The following DNAH9 variants were observed in gnomAD, a reference collection of about 807,000 sequenced individuals.
DNAH9 encodes DNAH9 variant protein.
In DNAH9, 345 loss-of-function variants were observed where a neutral mutation model predicts 471.6. The ratio of observed to expected loss-of-function variants is 0.73; its 90% CI spans 0.67 to 0.80. DNAH9 has a LOEUF of 0.80. DNAH9 is among the 30% of genes least tolerant of loss of function. The pLI, the probability that DNAH9 is intolerant of heterozygous loss-of-function variation, is 0.00. For synonymous variants in DNAH9, 2,093 were observed against 2,123.6 expected (o/e 0.99, Z 0.40); for missense variants, 5,407 against 5,609.2 (o/e 0.96, Z 1.15).
At chr17:11,640,626 GA>G (rs1172163793) in intron 10 of DNAH9, among the ~76,000 whole-genome samples, 2 of 152,182 alleles carry the variant, frequency 1.3e-5, no homozygotes, top group Non-Finnish European at 2.9e-5. Flanking sequence ...TGCTCTGGGG[GA>G]TTCATTTCTG....
intron 41 of DNAH9, among the ~76,000 whole-genome samples, chr17:11,784,875 GAAAGAA>G (rs1968806902): frequency 6.7e-6 from 1 of 149,448 alleles, no homozygotes. Flanking sequence ...CCAAAAGAAA[GAAAGAA>G]AACTATTTTG....
At chr17:11,965,343 T>G (rs552328387) in intron 68 of DNAH9, among the ~76,000 whole-genome samples, 1 of 152,366 alleles carries the variant, frequency 6.6e-6, no homozygotes, top group South Asian at 2.1e-4. Flanking sequence ...TTGTGACTTA[T>G]TGGTTCTAGG....
intron 49 of DNAH9, among the ~76,000 whole-genome samples, chr17:11,835,999 C>T (rs900044059): frequency 4.6e-5 from 7 of 152,138 alleles, no homozygotes; most frequent in Admixed American, 1.3e-4. Context: ...CCCAGTCCAC[C>T]GTGCCAGTCA....
At chr17:11,767,109 G>C (rs969067625) in intron 36 of DNAH9, among the ~76,000 whole-genome samples, 1 of 152,198 alleles carries the variant, frequency 6.6e-6, no homozygotes, top group Non-Finnish European at 1.5e-5. Context: ...AGACAATGTC[G>C]GTGTGGCCCA....
intron 19 of DNAH9, among the ~76,000 whole-genome samples, chr17:11,688,005 G>A (rs1426086902): frequency 6.8e-6 from 1 of 147,172 alleles, no homozygotes; most frequent in Non-Finnish European, 1.5e-5. Context: ...TTGGTGGTGT[G>A]TGCCTGTAGT....
intron 61 of DNAH9, among the ~76,000 whole-genome samples, chr17:11,913,638 T>G (rs1047637087): frequency 3.3e-5 from 5 of 151,826 alleles, no homozygotes; most frequent in African/African-American, 4.8e-5. Flanking sequence ...AAAAATTAGC[T>G]GGGCGTGGTG....
chr17:11,762,767 T>TTGTTG (rs1555584635), intron 35 of DNAH9, among the ~76,000 whole-genome samples: 1 of 77,562 alleles, frequency 1.3e-5, no homozygotes, highest in Non-Finnish European at 3.0e-5. Flanking sequence ...CGTTTTTTTT[T>TTGTTG]TTGTTTTTTT....
chr17:11,684,792 C>T (rs1206043485), intron 19 of DNAH9, among the ~76,000 whole-genome samples: 1 of 152,190 alleles, frequency 6.6e-6, no homozygotes, highest in African/African-American at 2.4e-5. Flanking sequence ...AACAGCTTTC[C>T]AAATAGCCCA....
chr17:11,744,950 A>G lies in DNAH9; in HGVS notation c.6265A>G (p.Ile2089Val), dbSNP rs777977585. The G allele has an allele frequency of 6.2e-7, 1 of 1,614,024 alleles. No individual in the cohort carries two copies. The highest frequency in any genetic ancestry group is 2.2e-5 in the East Asian group (1 of 44,882). ...CAAGATTGTGACTGATGACATGCCC[A>G]TCTTCATGGGCCTGATCGGGGACCT... ...IPKIVTDDMP[I>V]FMGLIGDLFP... The change falls in exon 31 of 69, where the codon ATC becomes GTC. Residue 2089 changes from isoleucine to valine, a missense_variant. By Grantham distance (29) the Ile-to-Val change is conservative (BLOSUM62 3). This residue lies in a region of DNAH9 where 4,636 missense variants were observed against 4,900.3 expected (regional missense o/e 0.95). Transcript: ENST00000262442.
At chr17:11,709,758 T>C (rs981409906) in intron 26 of DNAH9, among the ~76,000 whole-genome samples, 12 of 152,220 alleles carry the variant, frequency 7.9e-5, no homozygotes, top group African/African-American at 2.9e-4. Context: ...GACCTTTGGA[T>C]GATCTCCTCC....
In DNAH9 at chr17:11,807,826, G is replaced by C; in HGVS notation, c.8515G>C (p.Ala2839Pro). The C allele has an allele frequency of 2.5e-6, 4 of 1,614,104 alleles. No individual in the cohort carries two copies. The South Asian group carries it at 4.4e-5, about 18-fold the overall frequency. ...CAAGCAGAGCCTGACAAGGCTGGCA[G>C]CTTTCATCAGCTCCATGGATGTCTT... is the stretch of plus-strand genomic sequence containing the variant. ...SGKQSLTRLA[A>P]FISSMDVFQI... Residue 2839 changes from alanine to proline, a missense_variant, in exon 44 of 69, where the codon GCT (alanine) becomes CCT (proline). Ala to Pro is a conservative substitution (Grantham distance 27, BLOSUM62 -1). Coordinates refer to ENST00000262442, the MANE Select transcript of DNAH9 (RefSeq NM_001372.4).
At position 11,668,437 on chromosome 17, in the gene DNAH9, C is replaced by T. The variant is rs574446323; in HGVS notation, c.2732-627C>T. 1.2e-4 allele frequency among the ~76,000 whole-genome samples: 18 copies of T among 152,144 alleles called. 1 individual carries two copies. The South Asian group carries it at 3.1e-3, about 26-fold the overall frequency. ...ATCTCAGCACTTTGGGAGGCCAAGG[C>T]GGGCGAATCACGAGGTCAGGAGTTT... On this transcript the variant is annotated intron_variant, in intron 15 of 68. Coordinates refer to ENST00000262442, the MANE Select transcript of DNAH9 (RefSeq NM_001372.4).
intron 26 of DNAH9, among the ~76,000 whole-genome samples, chr17:11,718,554 C>T (rs1001687380): frequency 6.6e-6 from 1 of 152,164 alleles, no homozygotes; most frequent in Non-Finnish European, 1.5e-5. Context: ...CAGAAGTAAG[C>T]TTAAAGCTGA....
In DNAH9 at chr17:11,821,879, G is replaced by A. The variant is rs776745950; in HGVS notation, c.8708-41G>A. ...CCCATGTCTGATTGCATCATTTAAC[G>A]AGATGCCAAGGCTGCCTATCTGTGC... On this transcript the variant is annotated intron_variant, in intron 45 of 68. Coordinates refer to ENST00000262442, the MANE Select transcript of DNAH9 (RefSeq NM_001372.4). 9.5e-6 allele frequency: 15 copies of A among 1,585,316 alleles called. No homozygotes were observed. In the South Asian group the frequency reaches 1.1e-4, roughly 11 times the overall value.
intron 41 of DNAH9, among the ~76,000 whole-genome samples, chr17:11,787,386 A>G (rs1457113902): frequency 6.6e-6 from 1 of 152,252 alleles, no homozygotes; most frequent in Non-Finnish European, 1.5e-5. Context: ...CACAATGTAC[A>G]GAGCAACTTT....
In DNAH9 at chr17:11,760,008, G is replaced by T. The variant is rs149251953; in HGVS notation, c.6995+2316G>T. Among the ~76,000 whole-genome samples the T allele has an allele frequency of 3.0e-3, 462 of 152,194 alleles. 1 individual carries two copies. Among genetic ancestry groups the T allele is most frequent in the African/African-American group, 0.01 (436 of 41,528 alleles). ...GCCTAATTTTTGTATTTTTAGTAGA[G>T]ACAGGGTTTTGCCATGTTGACCAGG... On this transcript the variant is annotated intron_variant, in intron 35 of 68. Transcript: ENST00000262442.
chr17:11,686,780 A>C (rs2074249559), intron 19 of DNAH9, among the ~76,000 whole-genome samples: 1 of 152,226 alleles, frequency 6.6e-6, no homozygotes, highest in African/African-American at 2.4e-5. Flanking sequence ...TTAGCAAGAT[A>C]ATTTCTAATC....
chr17:11,821,213 G>A lies in DNAH9; in HGVS notation c.8708-707G>A, dbSNP rs1398373805. ...AGGCAGGAGAATCACTTGAACCTGC[G>A]AGGTGGAGGTTGCAGTGAGCCAAGA... On this transcript the variant is annotated intron_variant, in intron 45 of 68. Coordinates refer to ENST00000262442, the MANE Select transcript of DNAH9 (RefSeq NM_001372.4). Among the ~76,000 whole-genome samples the A allele has an allele frequency of 9.3e-5, 14 of 150,844 alleles. 1 individual carries two copies. Among genetic ancestry groups the A allele is most frequent in the Admixed American group, 6.6e-4 (10 of 15,090 alleles).
intron 35 of DNAH9, among the ~76,000 whole-genome samples, chr17:11,762,772 T>TTTTTTTG (rs1567783289): frequency 9.3e-6 from 1 of 107,514 alleles, no homozygotes; most frequent in African/African-American, 4.2e-5. Flanking sequence ...TTTTTTTTGT[T>TTTTTTTG]TTTTTTTTTT....
Sources: gnomAD v4.1 joint callset for allele counts (sites outside exome capture counted in the v4.1 genomes callset) on GRCh38, gnomAD v4.1.1 for gene constraint, gnomAD v4.1.1 regional missense constraint, MANE v1.5 for transcripts, NCBI Gene and HGNC (gene_info 2026-07-23, HGNC 2026-07-21) for gene names.